The following NSD1 variants were observed in gnomAD, a reference collection of about 807,000 sequenced individuals.
NSD1 encodes nuclear receptor binding SET domain protein 1, also known as histone-lysine N-methyltransferase, H3 lysine-36 specific.
A neutral mutation model predicts 242.7 loss-of-function variants in NSD1; 26 were observed. The observed-to-expected ratio is 0.11, with a 90% CI of 0.08 to 0.15. NSD1 has a LOEUF of 0.15. Ranked by LOEUF, NSD1 falls within the 10% of genes least tolerant of loss-of-function variation. NSD1 has a pLI of 1.00. For missense variants in NSD1, 2,495 were observed against 3,272.8 expected (o/e 0.76, Z 5.80); for synonymous variants, 1,106 against 1,178.1 (o/e 0.94, Z 1.25).
At chr5:177,187,888 T>G (rs552820884) in intron 2 of NSD1, among the ~76,000 whole-genome samples, 1 of 152,212 alleles carries the variant, frequency 6.6e-6, no homozygotes, top group Admixed American at 6.5e-5. Context: ...GAGTATATCT[T>G]GTGTGTGTGT....
In NSD1 at chr5:177,248,165, AT is replaced by A. The variant is rs200890017; in HGVS notation, c.4498-10del. ...ATCAATAATACAGATGTGGGACATTATTTTTTCTTTGCAAGGGAGAACTAAT... is the reference window on the plus strand; with the variant it reads ...ATCAATAATACAGATGTGGGACATTATTTTTCTTTGCAAGGGAGAACTAAT... On this transcript the variant is annotated splice_polypyrimidine_tract_variant and intron_variant, in intron 10 of 22. Transcript: ENST00000439151. 0.023 allele frequency: 36,584 copies of A among 1,613,718 alleles called. 534 individuals are homozygous for A. Among genetic ancestry groups the A allele is most frequent in the Non-Finnish European group, 0.027 (31,644 of 1,179,898 alleles).
In NSD1 at chr5:177,210,391, A is replaced by G. The variant is rs770274186; in HGVS notation, c.1992A>G (p.Glu664=). The G allele has an allele frequency of 6.8e-6, 11 of 1,614,166 alleles. No homozygotes were observed. The Admixed American group carries it at 8.3e-5, about 12-fold the overall frequency. ...HSSESDNSVL[E]IPDAFDRTEN... ...CAGAGTCTGATAACAGTGTCCTTGAAATTCCAGATGCTTTCGATAGAACAG... is the reference window on the plus strand; with the variant it reads ...CAGAGTCTGATAACAGTGTCCTTGAGATTCCAGATGCTTTCGATAGAACAG... The change falls in exon 5 of 23, where the codon GAA becomes GAG. Residue 664 remains glutamate (E), a synonymous_variant. Coordinates refer to ENST00000439151, the MANE Select transcript of NSD1 (RefSeq NM_022455.5).
Position 177,292,038 on chromosome 5 carries a change from A to G in NSD1, c.6343A>G (p.Lys2115Glu). The G allele has an allele frequency of 6.2e-7, 1 of 1,614,178 alleles. No individual in the cohort carries two copies. The highest frequency in any genetic ancestry group is 8.5e-7 in the Non-Finnish European group (1 of 1,180,002). Residue 2115 changes from lysine to glutamate, a missense_variant, in exon 22 of 23, where the codon AAG becomes GAG. By Grantham distance (56) the Lys-to-Glu change is moderately conservative (BLOSUM62 1). Transcript: ENST00000439151. ...GKRRTQGEIT[K>E]EREDECFSCG... is the part of the protein sequence containing the mutation. ...GCGCAGGACCCAGGGTGAAATCACA[A>G]AGGAGCGAGAAGATGAGTGTTTTAG... is the stretch of plus-strand genomic sequence containing the variant.
intron 2 of NSD1, among the ~76,000 whole-genome samples, chr5:177,138,387 C>T (rs1756526999): frequency 6.6e-6 from 1 of 152,066 alleles, no homozygotes; most frequent in African/African-American, 2.4e-5. Context: ...TCCCGAGTAG[C>T]TGGGACTACA....
rs1756414480 is a variant in NSD1, at chr5:177,137,265, ATTGT to A, written c.927+1239_927+1242del. 2.4e-5 allele frequency: 5 copies of A among 207,070 alleles called. No individual in the cohort carries two copies. The Admixed American group carries it at 3.0e-4, about 12-fold the overall frequency. The allele number at this position is 207,070 out of a possible 1,614,324, so 12.8% of individuals were successfully genotyped here. ...ATTGATTTTGTTTCTGCCCAAACAC[ATTGT>A]TTGGTCACCGCCGGTAATGTTAGCA... On this transcript the variant is annotated intron_variant, in intron 2 of 22. Transcript: ENST00000439151.
chr5:177,208,515 TTTTTCTTTTTTTC>T (rs1763075730), intron 4 of NSD1, among the ~76,000 whole-genome samples: 1 of 151,624 alleles, frequency 6.6e-6, no homozygotes, highest in Non-Finnish European at 1.5e-5. Context: ...TTGGTTTTTC[TTTTTCTTTTTTTC>T]TTTTCTTTTT....
intron 2 of NSD1, among the ~76,000 whole-genome samples, chr5:177,186,068 A>G (rs1477353518): frequency 8.8e-6 from 1 of 113,038 alleles, no homozygotes; most frequent in Admixed American, 1.4e-4. Flanking sequence ...CATATAATAT[A>G]TGTTATATAT....
Position 177,210,114 on chromosome 5 carries a change from C to G in NSD1, c.1715C>G (p.Ser572Cys). The change falls in exon 5 of 23, where the codon TCC (serine) becomes TGC (cysteine). Residue 572 changes from serine (S) to cysteine (C), a missense_variant. Ser to Cys is a moderately radical substitution (Grantham distance 112). Transcript: ENST00000439151. ...GCCCCAGGAAGTTTTCTGTTTTCTT[C>G]CTGTGGAAAAAACACTGCAAAGAAA... ...NTAPGSFLFS[S>C]CGKNTAKKEF... 1 of 1,613,394 alleles carries G rather than the reference C, an allele frequency of 6.2e-7. No homozygotes were observed. Among genetic ancestry groups the G allele is most frequent in the Non-Finnish European group, 8.5e-7 (1 of 1,179,826 alleles).
chr5:177,181,241 C>A (rs185865768), intron 2 of NSD1, among the ~76,000 whole-genome samples: 208 of 151,644 alleles, frequency 1.4e-3, no homozygotes, highest in African/African-American at 4.3e-3. Context: ...CGAGATTGTG[C>A]CACTGCACTC....
chr5:177,269,874 T>G lies in NSD1; in HGVS notation c.5509+67T>G. ...TGTTACCTGAGTGTCTGATCTGTTT[T>G]AGAATTCACATATGCTCCATTTTGA... On this transcript the variant is annotated intron_variant, in intron 16 of 22. Coordinates refer to ENST00000439151, the MANE Select transcript of NSD1 (RefSeq NM_022455.5). This position sits in a 1 kb window ranked among gnomAD's most constrained non-coding sequence, Gnocchi z 5.1. 2.9e-6 allele frequency: 4 copies of G among 1,379,756 alleles called. No individual in the cohort carries two copies. Among genetic ancestry groups the G allele is most frequent in the Non-Finnish European group, 1.0e-6 (1 of 994,954 alleles). 85.5% of individuals were successfully genotyped at this position (1,379,756 alleles called of 1,614,324 possible). A position where few individuals can be genotyped will look rare whatever the true frequency, so the allele number is the denominator to read the frequency against.
chr5:177,265,716 G>A (rs1757375570), intron 14 of NSD1: 17 of 1,604,340 alleles, frequency 1.1e-5, no homozygotes, highest in Non-Finnish European at 1.4e-5. Context: ...TTCAAGGTCA[G>A]GTAGTCCTCC....
At chr5:177,283,706 C>A in intron 19 of NSD1, 81 bp from the exon 20 acceptor site, 1 of 1,492,926 alleles carries the variant, frequency 6.7e-7, no homozygotes, top group Non-Finnish European at 9.3e-7. Context: ...GAAACTCCAA[C>A]TTATTAGAGA....
chr5:177,227,176 A>G (rs1172293015), intron 5 of NSD1, among the ~76,000 whole-genome samples: 1 of 152,198 alleles, frequency 6.6e-6, no homozygotes. Context: ...GTAATCAGTG[A>G]GTCTAGGTGT....
intron 13 of NSD1, 25 bp from the exon 14 acceptor site, chr5:177,259,964 C>T (rs745869280): frequency 6.2e-7 from 1 of 1,613,762 alleles, no homozygotes; most frequent in Non-Finnish European, 8.5e-7. Context: ...TTTTCTTTTG[C>T]TTGTCCCTGA....
chr5:177,159,405 C>G (rs1325346955), intron 2 of NSD1, among the ~76,000 whole-genome samples: 2 of 151,440 alleles, frequency 1.3e-5, no homozygotes, highest in African/African-American at 4.9e-5. Context: ...GCCTCAGCTT[C>G]CCAAGTAGCT....
chr5:177,133,380 C>G (rs1755999297), upstream of NSD1, among the ~76,000 whole-genome samples: 2 of 152,026 alleles, frequency 1.3e-5, no homozygotes, highest in African/African-American at 2.4e-5. The surrounding 1 kb of genome is among the most constrained non-coding windows in gnomAD (Gnocchi z 6.2). Flanking sequence ...GTGTGCGGCC[C>G]GAGGCCAGCG....
intron 5 of NSD1, among the ~76,000 whole-genome samples, chr5:177,213,925 T>C (rs963668617): frequency 6.6e-6 from 1 of 152,194 alleles, no homozygotes; most frequent in Non-Finnish European, 1.5e-5. Flanking sequence ...AGTTCTTCTG[T>C]CTTCTTCTAA....
At chr5:177,270,195 C>T (rs1332513088) in intron 16 of NSD1, among the ~76,000 whole-genome samples, 1 of 102,622 alleles carries the variant, frequency 9.7e-6, no homozygotes, top group African/African-American at 3.7e-5. Context: ...GTCTTGAGCT[C>T]GTTGGGAAGA....
intron 2 of NSD1, among the ~76,000 whole-genome samples, chr5:177,154,544 C>T (rs1377938083): frequency 6.6e-6 from 1 of 152,136 alleles, no homozygotes; most frequent in Non-Finnish European, 1.5e-5. Flanking sequence ...CATGTTTGCT[C>T]AGGTAACGCA....
Sources: allele counts gnomAD v4.1 joint callset (sites outside exome capture counted in the v4.1 genomes callset), GRCh38; gene constraint gnomAD v4.1.1; non-coding constraint Gnocchi (gnomAD v3.1); transcripts MANE v1.5; gene names NCBI Gene and HGNC (gene_info 2026-07-23, HGNC 2026-07-21).